MN1: variants seen among roughly 807,000 people sequenced by gnomAD.
MN1 encodes the protein transcriptional activator MN1.
In MN1, 19 loss-of-function variants were observed where a neutral mutation model predicts 86.9. The ratio of observed to expected loss-of-function variants is 0.22; its 90% confidence interval spans 0.15 to 0.32. The LOEUF is 0.32. MN1 is among the 10% of genes least tolerant of loss of function. The pLI, the probability that MN1 is intolerant of heterozygous loss-of-function variation, is 1.00. For missense variants in MN1, 1,841 were observed against 1,862.0 expected (o/e 0.99, Z 0.21); for synonymous variants, 928 against 849.6 (o/e 1.09, Z -1.60).
chr22:27,797,008 C>T lies in MN1; in HGVS notation c.3536G>A (p.Gly1179Asp). ...GACGGCGCACTCACCCTTCTTGCCA[C>T]CCTTCAGCCCCAGAGGCTGGTCCTC... Reference protein sequence around the residue: ...ISEDQPLGLKGGKKGECAVGA... With the variant: ...ISEDQPLGLKDGKKGECAVGA... Residue 1179 changes from glycine (G) to aspartate (D), a missense_variant, in exon 1 of 2, where the codon GGT becomes GAT. By Grantham distance (94) the Gly-to-Asp change is moderately conservative. Transcript: ENST00000302326. The T allele has an allele frequency of 1.2e-6, 2 of 1,612,742 alleles. No homozygotes were observed.
intron 1 of MN1, among the ~76,000 whole-genome samples, chr22:27,784,616 G>A (rs1182632324): frequency 1.3e-5 from 2 of 152,130 alleles, no homozygotes; most frequent in Non-Finnish European, 2.9e-5. Flanking sequence ...TAGAAAGAAT[G>A]TGCTATTAAT....
rs45619034 is a variant in MN1 at position 27,749,226 on chromosome 22, G to C, written c.*1689C>G. On this transcript the variant is annotated 3_prime_UTR_variant, in exon 2 of 2. Transcript: ENST00000302326. ...TTTTTCTGAAAGCTCCTCTCCCTTCGCTGAAAAGTTCTTTGAAATAAACAA... is the reference window on the plus strand; with the variant it reads ...TTTTTCTGAAAGCTCCTCTCCCTTCCCTGAAAAGTTCTTTGAAATAAACAA... The C allele has an allele frequency of 1.7e-5, 4 of 230,204 alleles. No individual in the cohort carries two copies. The highest frequency in any genetic ancestry group is 5.7e-5 in the Admixed American group (1 of 17,680). 14.3% of individuals were successfully genotyped at this position (230,204 alleles called of 1,614,324 possible).
chr22:27,755,083 G>A (rs1483377256), intron 1 of MN1, among the ~76,000 whole-genome samples: 2 of 152,168 alleles, frequency 1.3e-5, no homozygotes, highest in African/African-American at 4.8e-5. Flanking sequence ...GAGCTACCCA[G>A]GGGTCACCCA....
chr22:27,792,049 C>T (rs142559123), intron 1 of MN1, among the ~76,000 whole-genome samples: 6 of 152,040 alleles, frequency 3.9e-5, no homozygotes, highest in African/African-American at 1.4e-4. Flanking sequence ...CAAGAGTAGC[C>T]GCATTTTCAA....
intron 1 of MN1, among the ~76,000 whole-genome samples, chr22:27,769,668 C>T (rs1232243751): frequency 1.4e-5 from 2 of 147,336 alleles, no homozygotes; most frequent in African/African-American, 5.0e-5. Flanking sequence ...TTCTCCTTGC[C>T]TCAGCCTCCC....
intron 1 of MN1, among the ~76,000 whole-genome samples, chr22:27,787,621 A>G (rs185626723): frequency 2.0e-4 from 30 of 152,324 alleles, no homozygotes; most frequent in Admixed American, 1.3e-3. Context: ...GGACCTGCCT[A>G]CAAGGTCTGT....
chr22:27,801,339 TC>T lies in MN1; in HGVS notation c.-797del, dbSNP rs1933437595. On this transcript the variant is annotated 5_prime_UTR_variant, in exon 1 of 2. Coordinates refer to ENST00000302326, the MANE Select transcript of MN1 (RefSeq NM_002430.3). ...CTGCTCGGCAGCGGGTGCGCTGCGTTCGGCGCGCAGCTTCGCGGCCACGTCC... is the reference window on the plus strand; with the variant it reads ...CTGCTCGGCAGCGGGTGCGCTGCGTTGGCGCGCAGCTTCGCGGCCACGTCC... 1.4e-5 allele frequency: 3 copies of T among 217,692 alleles called. No homozygotes were observed. The Admixed American group carries it at 1.7e-4, about 13-fold the overall frequency. 13.5% of individuals were successfully genotyped at this position (217,692 alleles called of 1,614,324 possible). A position where few individuals can be genotyped will look rare whatever the true frequency, so the allele number is the denominator to read the frequency against.
chr22:27,772,552 C>T (rs1351685220), intron 1 of MN1, among the ~76,000 whole-genome samples: 1 of 152,090 alleles, frequency 6.6e-6, no homozygotes, highest in Non-Finnish European at 1.5e-5. Flanking sequence ...TGCTCCACAG[C>T]TTGACATCAC....
chr22:27,759,240 C>A (rs1029431338), intron 1 of MN1, among the ~76,000 whole-genome samples: 6 of 152,108 alleles, frequency 3.9e-5, no homozygotes, highest in Non-Finnish European at 7.4e-5. Context: ...AACCCGTCTG[C>A]GGGGCCCCAC....
chr22:27,762,335 T>C, intron 1 of MN1, among the ~76,000 whole-genome samples: 1 of 151,952 alleles, frequency 6.6e-6, no homozygotes, highest in Admixed American at 6.6e-5. Flanking sequence ...ATCTATGAAA[T>C]GGGGATGGAG....
At chr22:27,753,016 G>A (rs1392180399) in intron 1 of MN1, among the ~76,000 whole-genome samples, 2 of 152,202 alleles carry the variant, frequency 1.3e-5, no homozygotes, top group Admixed American at 6.5e-5. Context: ...AGAGGGATGG[G>A]CCCAGGCAGC....
chr22:27,761,805 C>A (rs1159902895), intron 1 of MN1, among the ~76,000 whole-genome samples: 1 of 152,228 alleles, frequency 6.6e-6, no homozygotes, highest in East Asian at 1.9e-4. Flanking sequence ...CTGGGCCAGG[C>A]CCCTGGAAGC....
At position 27,799,388 on chromosome 22, in the gene MN1, C is replaced by G; in HGVS notation, c.1156G>C (p.Ala386Pro). 2 of 1,528,942 alleles carry G rather than the reference C, an allele frequency of 1.3e-6. No homozygotes were observed. The highest frequency in any genetic ancestry group is 1.8e-6 in the Non-Finnish European group (2 of 1,142,158). 94.7% of individuals were successfully genotyped at this position (1,528,942 alleles called of 1,614,324 possible). A position where few individuals can be genotyped will look rare whatever the true frequency, so the allele number is the denominator to read the frequency against. Residue 386 changes from alanine (A) to proline (P), a missense_variant, in exon 1 of 2, where the codon GCG becomes CCG. Ala to Pro is a conservative substitution (Grantham distance 27). Transcript: ENST00000302326. The stretch of plus-strand genomic sequence containing the variant: ...TGCAGGCCGCCGCTGGGCGTGCCCG[C>G]CTCGCCCTGCTGGGGCCGAGGGAGC... ...PALPRPQQGE[A>P]GTPSGGLQDG...
At chr22:27,785,321 A>AC (rs1337183637) in intron 1 of MN1, among the ~76,000 whole-genome samples, 1 of 150,564 alleles carries the variant, frequency 6.6e-6, no homozygotes, top group East Asian at 1.9e-4. Context: ...CAACGGAAAA[A>AC]CCCCCTCTGT....
In MN1 at chr22:27,764,839, T is replaced by C. The variant is rs560643787; in HGVS notation, c.3782-13743A>G. ...GGAAGCATCTATTCTCCTAGTCCCATTTCTCAGATAAAGACGCTGCTAGGG... is the reference window on the plus strand; with the variant it reads ...GGAAGCATCTATTCTCCTAGTCCCACTTCTCAGATAAAGACGCTGCTAGGG... On this transcript the variant is annotated intron_variant, in intron 1 of 1. Transcript: ENST00000302326. Among the ~76,000 whole-genome samples, 3 of 152,346 alleles carry C rather than the reference T, an allele frequency of 2.0e-5. No homozygotes were observed. In the East Asian group the frequency reaches 5.8e-4, roughly 29 times the overall value.
chr22:27,794,170 G>C (rs559806429), intron 1 of MN1, among the ~76,000 whole-genome samples: 1 of 152,148 alleles, frequency 6.6e-6, no homozygotes, highest in Non-Finnish European at 1.5e-5. Context: ...TTTTCAGTGA[G>C]GGGACTCAGG....
chr22:27,778,885 A>G (rs940527750), intron 1 of MN1, among the ~76,000 whole-genome samples: 3 of 152,220 alleles, frequency 2.0e-5, no homozygotes, highest in Non-Finnish European at 2.9e-5. Flanking sequence ...GGCAAATGCA[A>G]CCTACGAAAG....
chr22:27,779,207 T>C (rs981665163), intron 1 of MN1, among the ~76,000 whole-genome samples: 1 of 152,282 alleles, frequency 6.6e-6, no homozygotes. Context: ...GATGCACTCC[T>C]GCAACAAAGC....
Position 27,749,640 on chromosome 22 carries a change from T to G in MN1, c.*1275A>C. On this transcript the variant is annotated 3_prime_UTR_variant, in exon 2 of 2. Transcript: ENST00000302326. ...AACAGGGTGAGATTCCAAAAAAATG[T>G]TGGGGAGGGGGCAGAGGAATTCCAG... 4.3e-6 allele frequency: 1 copy of G among 231,882 alleles called. No homozygotes were observed. The highest frequency in any genetic ancestry group is 8.5e-6 in the Non-Finnish European group (1 of 117,226). The allele number at this position is 231,882 out of a possible 1,614,324, so 14.4% of individuals were successfully genotyped here.
Sources: gnomAD v4.1 joint callset for allele counts (sites outside exome capture counted in the v4.1 genomes callset) on GRCh38, gnomAD v4.1.1 for gene constraint, MANE v1.5 for transcripts, NCBI Gene and HGNC (gene_info 2026-07-23, HGNC 2026-07-21) for gene names.